Variants in TMEM132C observed in about 807,000 individuals in gnomAD.
TMEM132C encodes transmembrane protein 132C, also known as protein phosphatase 1, regulatory subunit 152.
In TMEM132C, 29 loss-of-function variants were observed where a neutral mutation model predicts 61.4. That is an observed-to-expected ratio of 0.47 (90% CI 0.35 to 0.64). The LOEUF (loss-of-function observed/expected upper bound fraction) is 0.64, where lower values mean the gene tolerates loss of function less well. Among genes scored for constraint, TMEM132C ranks in the 30% least tolerant of loss-of-function variants. The pLI is 0.00. For synonymous variants in TMEM132C, 656 were observed against 633.1 expected, an observed-to-expected ratio of 1.04 and a Z score of -0.54; for missense variants, 1,408 against 1,476.9, an observed-to-expected ratio of 0.95 and a Z score of 0.76.
chr12:128,454,573 C>T lies in TMEM132C; in HGVS notation c.974+38953C>T, dbSNP rs557084661. Among the ~76,000 whole-genome samples the T allele has an allele frequency of 2.5e-4, 38 of 152,328 alleles. No homozygotes were observed. The East Asian group carries it at 5.6e-3, about 22-fold the overall frequency. On this transcript the variant is annotated intron_variant, in intron 2 of 8. Transcript: ENST00000435159. ...GCTGGGCAATTCTCACTTGGGGTCT[C>T]CCATGAGGGAGGATGCAGAGGTGTT... is the stretch of plus-strand genomic sequence containing the variant.
At position 128,474,180 on chromosome 12, in the gene TMEM132C, T is replaced by C. The variant is rs976537327; in HGVS notation, c.974+58560T>C. Among the ~76,000 whole-genome samples the C allele has an allele frequency of 5.3e-5, 8 of 152,316 alleles. No individual in the cohort carries two copies. In the East Asian group the frequency reaches 1.5e-3, roughly 29 times the overall value. On this transcript the variant is annotated intron_variant, in intron 2 of 8. Transcript: ENST00000435159. The stretch of plus-strand genomic sequence containing the variant: ...GATTGCTGAGTCCCACCCCAGAGCA[T>C]CTGGTTTGGCAAGTCTAGGGTGAGA...
chr12:128,575,502 A>G (rs1304600976), intron 3 of TMEM132C, among the ~76,000 whole-genome samples: 1 of 152,372 alleles, frequency 6.6e-6, no homozygotes, highest in East Asian at 1.9e-4. Context: ...AAAGAAAAAA[A>G]AGGACATGTG....
At chr12:128,594,576 A>G (rs1200837686) in intron 3 of TMEM132C, among the ~76,000 whole-genome samples, 2 of 152,228 alleles carry the variant, frequency 1.3e-5, no homozygotes, top group East Asian at 3.9e-4. Flanking sequence ...CCTCCCTCCC[A>G]AGCAAGGCTC....
intron 1 of TMEM132C, among the ~76,000 whole-genome samples, chr12:128,349,119 T>G (rs1005628275): frequency 6.6e-6 from 1 of 152,196 alleles, no homozygotes; most frequent in African/African-American, 2.4e-5. Flanking sequence ...TTCTCCTGGC[T>G]CAGCCTCCCA....
intron 4 of TMEM132C, among the ~76,000 whole-genome samples, chr12:128,623,106 GC>G (rs1462936455): frequency 6.6e-6 from 1 of 152,152 alleles, no homozygotes; most frequent in East Asian, 1.9e-4. Context: ...TGCCTTGGTA[GC>G]GATGTTTGCA....
intron 2 of TMEM132C, among the ~76,000 whole-genome samples, chr12:128,503,322 T>C (rs905631658): frequency 4.6e-5 from 7 of 152,292 alleles, no homozygotes; most frequent in Admixed American, 4.6e-4. Flanking sequence ...TTCAAAACAA[T>C]GAGGAATTTT....
At chr12:128,293,737 A>G (rs1382284385) in intron 1 of TMEM132C, among the ~76,000 whole-genome samples, 1 of 152,080 alleles carries the variant, frequency 6.6e-6, no homozygotes, top group Non-Finnish European at 1.5e-5. Flanking sequence ...GTGATTCTTT[A>G]TGGCAAAGAG....
intron 4 of TMEM132C, among the ~76,000 whole-genome samples, chr12:128,660,598 T>C (rs1286777476): frequency 6.6e-6 from 1 of 152,206 alleles, no homozygotes; most frequent in Non-Finnish European, 1.5e-5. Flanking sequence ...TCCCAGACAC[T>C]TTATGCAGTC....
At chr12:128,329,795 G>A (rs1435471982) in intron 1 of TMEM132C, among the ~76,000 whole-genome samples, 1 of 152,156 alleles carries the variant, frequency 6.6e-6, no homozygotes, top group African/African-American at 2.4e-5. Flanking sequence ...ATGTCTGGGT[G>A]GCTAAACATT....
chr12:128,382,040 C>CT (rs113830900), intron 1 of TMEM132C, among the ~76,000 whole-genome samples: 2,234 of 141,032 alleles, frequency 0.016, 43 homozygotes, highest in African/African-American at 0.044. Context: ...TTGTTATTCG[C>CT]TTTTTTTTTT....
chr12:128,475,492 C>G (rs1871127570), intron 2 of TMEM132C, among the ~76,000 whole-genome samples: 1 of 151,892 alleles, frequency 6.6e-6, no homozygotes, highest in African/African-American at 2.4e-5. Flanking sequence ...GAGATGGTTG[C>G]ACAAATTTGT....
Position 128,302,988 on chromosome 12 carries a change from C to T in TMEM132C, c.85+35501C>T, listed in dbSNP as rs533924516. Among the ~76,000 whole-genome samples the T allele has an allele frequency of 2.1e-3, 317 of 152,332 alleles. 3 individuals carry two copies. Among genetic ancestry groups the T allele is most frequent in the African/African-American group, 7.2e-3 (301 of 41,572 alleles). On this transcript the variant is annotated intron_variant, in intron 1 of 8. Transcript: ENST00000435159. ...CACCCTAGGGCAATGTGTGCCCCCA[C>T]CTGACCTCCAGATGGTATTCTCCAA...
chr12:128,541,234 A>G (rs1873736817), intron 2 of TMEM132C, among the ~76,000 whole-genome samples: 1 of 152,186 alleles, frequency 6.6e-6, no homozygotes, highest in Non-Finnish European at 1.5e-5. Flanking sequence ...AGGAGTATGA[A>G]GCTTCCTTGC....
At chr12:128,561,583 G>A (rs1028805669) in intron 3 of TMEM132C, among the ~76,000 whole-genome samples, 1 of 152,186 alleles carries the variant, frequency 6.6e-6, no homozygotes. Flanking sequence ...GGGTTCATTA[G>A]GTCTGGACGA....
In TMEM132C at chr12:128,406,330, G is replaced by A. The variant is rs375459200; in HGVS notation, c.86-8402G>A. 1.4e-4 allele frequency among the ~76,000 whole-genome samples: 22 copies of A among 152,278 alleles called. No individual in the cohort carries two copies. The East Asian group carries it at 1.7e-3, about 12-fold the overall frequency. On this transcript the variant is annotated intron_variant, in intron 1 of 8. Coordinates refer to ENST00000435159, the MANE Select transcript of TMEM132C (RefSeq NM_001136103.3). ...GCATTCCTCAAGTGTTGAATGAGTC[G>A]TCACTGAGTCACATGGTATTCAAGA...
intron 1 of TMEM132C, among the ~76,000 whole-genome samples, chr12:128,401,800 C>G (rs1230020912): frequency 6.6e-6 from 1 of 152,192 alleles, no homozygotes; most frequent in Admixed American, 6.5e-5. Flanking sequence ...GGTTGTAGAA[C>G]AGTCTCGTGC....
intron 4 of TMEM132C, among the ~76,000 whole-genome samples, chr12:128,650,989 G>A (rs1392125682): frequency 6.6e-6 from 1 of 152,188 alleles, no homozygotes; most frequent in Non-Finnish European, 1.5e-5. Context: ...CAGAGCAGCA[G>A]CATGGGTATA....
chr12:128,597,881 C>T (rs1565986326), intron 3 of TMEM132C, among the ~76,000 whole-genome samples: 1 of 152,108 alleles, frequency 6.6e-6, no homozygotes. Flanking sequence ...CAGAGAGTAG[C>T]TGGAGGGAGA....
chr12:128,576,137 C>A (rs1173702376), intron 3 of TMEM132C, among the ~76,000 whole-genome samples: 2 of 152,080 alleles, frequency 1.3e-5, no homozygotes, highest in Non-Finnish European at 2.9e-5. Flanking sequence ...TGTCTGTAAT[C>A]CCAGCTACTC....
Sources: allele counts gnomAD v4.1 joint callset (sites outside exome capture counted in the v4.1 genomes callset), GRCh38; gene constraint gnomAD v4.1.1; transcripts MANE v1.5; gene names NCBI Gene and HGNC (gene_info 2026-07-23, HGNC 2026-07-21).